The following HAUS1 variants were observed in gnomAD, a reference collection of about 807,000 sequenced individuals.
The protein encoded by HAUS1 is HAUS augmin like complex subunit 1.
Under a neutral mutation model 38.6 loss-of-function variants are expected in HAUS1, and 25 were observed. The ratio of observed to expected loss-of-function variants is 0.65; its 90% CI spans 0.47 to 0.91. The LOEUF (loss-of-function observed/expected upper bound fraction) is 0.91. HAUS1 is among the 40% of genes least tolerant of loss of function. HAUS1 has a pLI of 0.00. For synonymous variants in HAUS1, 109 were observed against 112.9 expected (o/e 0.97, Z 0.22); for missense variants, 325 against 328.4 (o/e 0.99, Z 0.08).
intron 2 of HAUS1, among the ~76,000 whole-genome samples, chr18:46,110,990 C>T (rs1166119737): frequency 6.6e-6 from 1 of 151,042 alleles, no homozygotes; most frequent in Admixed American, 6.6e-5. Context: ...GATTCTCGTG[C>T]CTCAGCCTCC....
chr18:46,108,272 T>A (rs1180646087), intron 2 of HAUS1, among the ~76,000 whole-genome samples: 1 of 105,294 alleles, frequency 9.5e-6, no homozygotes, highest in Non-Finnish European at 1.8e-5. Context: ...AATTTACTTC[T>A]TTTTTTTTTT....
intron 6 of HAUS1, among the ~76,000 whole-genome samples, chr18:46,124,134 G>C (rs562650776): frequency 6.6e-6 from 1 of 152,118 alleles, no homozygotes; most frequent in Non-Finnish European, 1.5e-5. Flanking sequence ...CAAAGGCCAG[G>C]CATGGTGGCT....
At chr18:46,116,704 G>T (rs1010942183) in intron 2 of HAUS1, among the ~76,000 whole-genome samples, 1 of 151,552 alleles carries the variant, frequency 6.6e-6, no homozygotes, top group Non-Finnish European at 1.5e-5. Flanking sequence ...AGTCATCAGA[G>T]AAATTCAAAT....
At chr18:46,118,473 G>T (rs1911853490) in intron 3 of HAUS1, 157 bp downstream of exon 3, 1 of 626,474 alleles carries the variant, frequency 1.6e-6, no homozygotes. Context: ...TAATTAATTT[G>T]GATAAATATG....
chr18:46,116,374 CAACATGGCG>C (rs1911797246), intron 2 of HAUS1, among the ~76,000 whole-genome samples: 1 of 151,688 alleles, frequency 6.6e-6, no homozygotes, highest in Admixed American at 6.6e-5. Flanking sequence ...TCAGCCTAGG[CAACATGGCG>C]AAACTACATC....
At chr18:46,126,238 G>A (rs1912101386) in intron 8 of HAUS1, among the ~76,000 whole-genome samples, 1 of 152,102 alleles carries the variant, frequency 6.6e-6, no homozygotes, top group African/African-American at 2.4e-5. Context: ...TCACGCCACT[G>A]CACTCCAGCC....
At chr18:46,124,255 C>CA in intron 6 of HAUS1, among the ~76,000 whole-genome samples, 1 of 151,550 alleles carries the variant, frequency 6.6e-6, no homozygotes, top group East Asian at 1.9e-4. Context: ...ACTAAAAATA[C>CA]AAAAATTAGC....
At position 46,122,410 on chromosome 18, in the gene HAUS1, A is replaced by G. The variant is rs1911968002; in HGVS notation, c.477-57A>G. ...CCAAAAGTAGTAGAGTTTCTATTGTACAATACTTTTACTGAGAAGAAGAAG... is the reference window on the plus strand; with the variant it reads ...CCAAAAGTAGTAGAGTTTCTATTGTGCAATACTTTTACTGAGAAGAAGAAG... On this transcript the variant is annotated intron_variant, in intron 4 of 8. Transcript: ENST00000282058. 25 of 1,561,956 alleles carry G rather than the reference A, an allele frequency of 1.6e-5. No individual in the cohort carries two copies. The East Asian group carries it at 3.4e-4, about 21-fold the overall frequency.
chr18:46,126,960 G>A (rs1912126692), intron 8 of HAUS1, among the ~76,000 whole-genome samples: 1 of 151,654 alleles, frequency 6.6e-6, no homozygotes, highest in Admixed American at 6.6e-5. Flanking sequence ...TCAGCCTCCT[G>A]AGTAGCTGGA....
At chr18:46,105,033 G>C (rs1911420698) in intron 1 of HAUS1, among the ~76,000 whole-genome samples, 161 bp from the exon 2 acceptor site, 1 of 151,896 alleles carries the variant, frequency 6.6e-6, no homozygotes, top group African/African-American at 2.4e-5. Flanking sequence ...TTTATTTCCT[G>C]ATATCTAGTA....
At chr18:46,125,114 G>C (rs1380168570) in intron 7 of HAUS1, among the ~76,000 whole-genome samples, 4 of 151,878 alleles carry the variant, frequency 2.6e-5, no homozygotes, top group Non-Finnish European at 5.9e-5. Context: ...ACAAAAATTA[G>C]CTGGACCCAG....
intron 4 of HAUS1, among the ~76,000 whole-genome samples, chr18:46,121,343 C>G (rs1442422618): frequency 6.6e-6 from 1 of 152,036 alleles, no homozygotes; most frequent in Non-Finnish European, 1.5e-5. Context: ...GCACCTGCCA[C>G]CACACCCAGC....
rs1448839050 is a variant in HAUS1, at chr18:46,128,321, G to A, written c.*196G>A. On this transcript the variant is annotated 3_prime_UTR_variant, in exon 9 of 9. Transcript: ENST00000282058. ...AAATACATAGTTTTCATATTAAAAA[G>A]CCTTTTCTCTTACTTTGTTTCTGTG... 2.3e-6 allele frequency: 1 copy of A among 440,478 alleles called. No individual in the cohort carries two copies. Among genetic ancestry groups the A allele is most frequent in the Non-Finnish European group, 4.1e-6 (1 of 242,876 alleles). 27.3% of individuals were successfully genotyped at this position (440,478 alleles called of 1,614,324 possible).
At chr18:46,123,252 C>T in intron 5 of HAUS1, 47 bp from the exon 6 acceptor site, 1 of 1,269,968 alleles carries the variant, frequency 7.9e-7, no homozygotes, top group South Asian at 1.3e-5. Context: ...ATGGTGGTCA[C>T]TTTTCAAATA....
At chr18:46,109,102 T>G (rs1050155418) in intron 2 of HAUS1, among the ~76,000 whole-genome samples, 2 of 150,934 alleles carry the variant, frequency 1.3e-5, no homozygotes, top group African/African-American at 4.9e-5. Context: ...AAAAGAAGTT[T>G]AATTGACTCA....
intron 2 of HAUS1, among the ~76,000 whole-genome samples, chr18:46,110,447 T>G (rs1911600856): frequency 6.9e-6 from 1 of 145,548 alleles, no homozygotes; most frequent in African/African-American, 2.6e-5. Context: ...TGGGTTCAAG[T>G]GATTCTTCTG....
chr18:46,112,319 A>G (rs1195412861), intron 2 of HAUS1, among the ~76,000 whole-genome samples: 1 of 131,302 alleles, frequency 7.6e-6, no homozygotes, highest in Non-Finnish European at 1.5e-5. Context: ...TATATATAAT[A>G]TATATAATGT....
intron 4 of HAUS1, chr18:46,121,727 T>G (rs1430140991): frequency 2.0e-5 from 3 of 152,334 alleles, no homozygotes; most frequent in South Asian, 2.1e-4. Context: ...AGCACCAATT[T>G]TTTTTTGAAT....
At chr18:46,124,918 A>T in intron 7 of HAUS1, 25 bp downstream of exon 7, 7 of 1,313,762 alleles carry the variant, frequency 5.3e-6, no homozygotes, top group Non-Finnish European at 6.6e-6. Flanking sequence ...GAATTAAAAA[A>T]CAATTATTTC....
Sources: allele counts gnomAD v4.1 joint callset (sites outside exome capture counted in the v4.1 genomes callset), GRCh38; gene constraint gnomAD v4.1.1; transcripts MANE v1.5; gene names NCBI Gene and HGNC (gene_info 2026-07-23, HGNC 2026-07-21).